HAAO: variants seen among roughly 807,000 people sequenced by gnomAD.
HAAO encodes 3-hydroxyanthranilate 3,4-dioxygenase, also known as 3-hydroxyanthranilate oxygenase.
In HAAO, 49 loss-of-function variants were observed where a neutral mutation model predicts 46.2. That is an observed-to-expected ratio of 1.06 (90% CI 0.84 to 1.34). The LOEUF is 1.34. HAAO is among the 40% of genes most tolerant of loss of function. HAAO has a pLI of 0.00. For synonymous variants in HAAO, 157 were observed against 145.2 expected (o/e 1.08, Z -0.58); for missense variants, 408 against 364.5 (o/e 1.12, Z -0.97).
intron 4 of HAAO, among the ~76,000 whole-genome samples, chr2:42,771,297 AG>A (rs1333150291): frequency 6.6e-6 from 1 of 152,050 alleles, no homozygotes; most frequent in African/African-American, 2.4e-5. Flanking sequence ...GCATGCTGGC[AG>A]GGGACTGTAA....
In HAAO at chr2:42,783,811, G is replaced by C. The variant is rs138010581; in HGVS notation, c.216C>G (p.His72Gln). The C allele has an allele frequency of 3.1e-6, 5 of 1,612,822 alleles. No homozygotes were observed. The highest frequency in any genetic ancestry group is 2.7e-5 in the African/African-American group (2 of 74,898). Residue 72 changes from histidine (H) to glutamine (Q), a missense_variant, in exon 3 of 10, where the codon CAC (histidine) becomes CAG (glutamine). Coordinates refer to ENST00000294973, the MANE Select transcript of HAAO (RefSeq NM_012205.3). ...CTCCCTGCCGAATGACCACATCCCG[G>C]TGTTTCCCTTGCTCCAGGACTCGGA... ...MVLRVLEQGK[H>Q]RDVVIRQGEI...
chr2:42,779,773 G>T (rs1671853375), intron 4 of HAAO, among the ~76,000 whole-genome samples: 1 of 152,078 alleles, frequency 6.6e-6, no homozygotes, highest in Non-Finnish European at 1.5e-5. Context: ...TTTGATATTT[G>T]ACAAACTTTC....
chr2:42,774,764 G>A (rs181679314), intron 4 of HAAO, among the ~76,000 whole-genome samples: 2 of 150,330 alleles, frequency 1.3e-5, no homozygotes, highest in East Asian at 1.9e-4. Context: ...GAAGCTGCGC[G>A]ATTGTTTGTT....
At chr2:42,788,137 T>C (rs750113379) in intron 2 of HAAO, among the ~76,000 whole-genome samples, 20 of 152,192 alleles carry the variant, frequency 1.3e-4, no homozygotes, top group Non-Finnish European at 2.9e-4. Context: ...TTTTGCACTT[T>C]GCCCCCGTCT....
chr2:42,768,202 C>T (rs1028063042), intron 7 of HAAO, among the ~76,000 whole-genome samples: 4 of 152,216 alleles, frequency 2.6e-5, no homozygotes, highest in South Asian at 2.1e-4. Context: ...TGTGCTCATG[C>T]GAAGGCATGC....
intron 1 of HAAO, among the ~76,000 whole-genome samples, chr2:42,789,715 T>TG (rs768532087): frequency 4.6e-5 from 7 of 152,132 alleles, no homozygotes; most frequent in Non-Finnish European, 7.4e-5. Context: ...GTTGGGTCTG[T>TG]GGGGCATCTA....
chr2:42,790,999 C>T (rs548006763), intron 1 of HAAO, among the ~76,000 whole-genome samples: 1 of 152,306 alleles, frequency 6.6e-6, no homozygotes, highest in South Asian at 2.1e-4. Flanking sequence ...ACCTTGCTTG[C>T]TTCAGCAGCT....
chr2:42,785,506 G>A (rs1234538267), intron 2 of HAAO, among the ~76,000 whole-genome samples: 1 of 152,124 alleles, frequency 6.6e-6, no homozygotes, highest in East Asian at 1.9e-4. Flanking sequence ...TTATGAATGA[G>A]GTAAGGATTT....
intron 2 of HAAO, among the ~76,000 whole-genome samples, chr2:42,786,621 G>C (rs1450649937): frequency 6.6e-6 from 1 of 152,210 alleles, no homozygotes; most frequent in Non-Finnish European, 1.5e-5. Context: ...GATGTGCCCT[G>C]TCCAAGATCC....
At chr2:42,788,673 C>G in intron 1 of HAAO, 66 bp from the exon 2 acceptor site, 1 of 1,067,714 alleles carries the variant, frequency 9.4e-7, no homozygotes, top group South Asian at 1.3e-5. Context: ...GCACGGGTCC[C>G]GTGGGGGCCA....
chr2:42,790,107 A>G (rs1170076296), intron 1 of HAAO, among the ~76,000 whole-genome samples: 2 of 152,152 alleles, frequency 1.3e-5, no homozygotes, highest in Admixed American at 1.3e-4. Context: ...CTAGACTGGC[A>G]GGTCCTTTCT....
intron 1 of HAAO, among the ~76,000 whole-genome samples, chr2:42,789,523 T>G (rs938588103): frequency 1.2e-4 from 19 of 152,066 alleles, no homozygotes; most frequent in African/African-American, 4.3e-4. Context: ...GAGCTGAGAT[T>G]GCGCTACTGC....
chr2:42,788,464 C>A, intron 2 of HAAO, 65 bp downstream of exon 2: 2 of 1,024,090 alleles, frequency 2.0e-6, no homozygotes, highest in South Asian at 2.5e-5. Flanking sequence ...TGGGAAGCGC[C>A]CCCTCCCGCT....
intron 1 of HAAO, 126 bp downstream of exon 1, chr2:42,792,331 C>T: frequency 1.9e-6 from 1 of 530,624 alleles, no homozygotes; most frequent in Non-Finnish European, 3.4e-6. Flanking sequence ...CCCCAAGAAC[C>T]AAGAGATTAA....
intron 4 of HAAO, among the ~76,000 whole-genome samples, chr2:42,776,798 A>AT (rs1573921940): frequency 3.3e-5 from 5 of 150,418 alleles, no homozygotes; most frequent in African/African-American, 9.8e-5. Flanking sequence ...CGCCCAGCTA[A>AT]TTTTTTTGTA....
chr2:42,776,986 G>A (rs2104651201), intron 4 of HAAO, among the ~76,000 whole-genome samples: 1 of 150,628 alleles, frequency 6.6e-6, no homozygotes, highest in Admixed American at 6.6e-5. Context: ...ACTGCCTGTG[G>A]TTGTAAAACA....
chr2:42,789,606 C>G (rs1035170700), intron 1 of HAAO, among the ~76,000 whole-genome samples: 13 of 152,000 alleles, frequency 8.6e-5, no homozygotes, highest in African/African-American at 3.1e-4. Context: ...ATACAACCCT[C>G]TCATTTTACA....
chr2:42,770,097 G>A, intron 6 of HAAO, 46 bp downstream of exon 6: 1 of 1,561,390 alleles, frequency 6.4e-7, no homozygotes, highest in Non-Finnish European at 8.8e-7. Flanking sequence ...ATCCTATTTT[G>A]GAAGGGGAGG....
At chr2:42,778,476 C>G (rs1316378442) in intron 4 of HAAO, among the ~76,000 whole-genome samples, 2 of 152,074 alleles carry the variant, frequency 1.3e-5, no homozygotes, top group African/African-American at 2.4e-5. Context: ...ATTACAGGTG[C>G]CTGTCACCAT....
Sources: gnomAD v4.1 joint callset for allele counts (sites outside exome capture counted in the v4.1 genomes callset) on GRCh38, gnomAD v4.1.1 for gene constraint, MANE v1.5 for transcripts, NCBI Gene and HGNC (gene_info 2026-07-23, HGNC 2026-07-21) for gene names.